FAAH2: variants seen among roughly 807,000 people sequenced by gnomAD.
The protein encoded by FAAH2 is fatty-acid amide hydrolase 2.
Under a neutral mutation model 36.9 loss-of-function variants are expected in FAAH2, and 60 were observed. The observed-to-expected ratio is 1.63, with a 90% CI of 1.32 to 2.02. FAAH2 has a LOEUF of 2.02. FAAH2 is among the 30% of genes most tolerant of loss of function. The pLI, the probability that FAAH2 is intolerant of heterozygous loss-of-function variation, is 0.00. For synonymous variants in FAAH2, 214 were observed against 143.8 expected (o/e 1.49, Z -3.49); for missense variants, 689 against 397.5 (o/e 1.73, Z -6.23).
chrX:57,295,437 G>C (rs1286199059), intron 2 of FAAH2, among the ~76,000 whole-genome samples: 1 of 112,126 alleles, frequency 8.9e-6, no homozygotes, highest in Non-Finnish European at 1.9e-5. Context: ...GGAAAGTTTA[G>C]TTTTCTGAGT....
At chrX:57,170,538 G>A in the FAAH2 span, among the ~76,000 whole-genome samples, 13 of 111,300 alleles carry the variant, frequency 1.2e-4, no homozygotes, top group Non-Finnish European at 2.3e-4. Context: ...CCTGTCACCC[G>A]AGTACTGTAC....
chrX:57,238,637 T>TA, the FAAH2 span, among the ~76,000 whole-genome samples: 3 of 111,835 alleles, frequency 2.7e-5, no homozygotes, highest in East Asian at 2.8e-4. Flanking sequence ...AAATGAAAGT[T>TA]AAAAAAACTT....
intron 10 of FAAH2, among the ~76,000 whole-genome samples, chrX:57,478,326 TG>T (rs1275645267): frequency 4.5e-5 from 5 of 111,601 alleles, no homozygotes; most frequent in African/African-American, 1.6e-4. Context: ...GCCCACTTTT[TG>T]ATGGGGTTGT....
chrX:57,463,226 A>G, intron 10 of FAAH2, among the ~76,000 whole-genome samples: 1 of 111,730 alleles, frequency 9.0e-6, no homozygotes. Flanking sequence ...GAAAATGGCC[A>G]TACCACCCAA....
the FAAH2 span, among the ~76,000 whole-genome samples, chrX:57,157,409 A>G: frequency 8.9e-6 from 1 of 111,864 alleles, no homozygotes; most frequent in African/African-American, 3.2e-5. Flanking sequence ...CTACTGGAGT[A>G]TCAGATTCCC....
chrX:57,480,274 C>T (rs1445965062), intron 10 of FAAH2, among the ~76,000 whole-genome samples: 2 of 111,691 alleles, frequency 1.8e-5, no homozygotes, highest in African/African-American at 3.3e-5. Context: ...GGGCCAGCAT[C>T]ATCTTGATAC....
At chrX:57,481,665 A>T (rs756877336) in intron 10 of FAAH2, among the ~76,000 whole-genome samples, 113 of 111,505 alleles carry the variant, frequency 1.0e-3, no homozygotes, top group Non-Finnish European at 1.9e-3. Context: ...GTCTTGTATG[A>T]AGTGTCCTTC....
the FAAH2 span, among the ~76,000 whole-genome samples, chrX:57,176,068 C>T: frequency 9.0e-6 from 1 of 111,299 alleles, no homozygotes; most frequent in Middle Eastern, 4.2e-3. Flanking sequence ...GTCCTTTTTG[C>T]AATTAATCTC....
chrX:57,468,820 A>C (rs1458110929), intron 10 of FAAH2, among the ~76,000 whole-genome samples: 1 of 111,831 alleles, frequency 8.9e-6, no homozygotes, highest in Admixed American at 9.5e-5. Context: ...GTTGAAATGA[A>C]GGAAAAAATA....
At chrX:57,307,063 C>T (rs2052564926) in intron 2 of FAAH2, among the ~76,000 whole-genome samples, 1 of 82,638 alleles carries the variant, frequency 1.2e-5, no homozygotes, top group Non-Finnish European at 2.4e-5. Context: ...GGGTTATATG[C>T]ATGACAACAG....
the FAAH2 span, among the ~76,000 whole-genome samples, chrX:57,271,731 C>T: frequency 9.0e-6 from 1 of 111,134 alleles, no homozygotes. Context: ...CACTCAAATG[C>T]CCCATCTGAA....
chrX:57,420,386 T>G (rs1391579748), intron 7 of FAAH2, among the ~76,000 whole-genome samples: 1 of 111,793 alleles, frequency 8.9e-6, no homozygotes, highest in Non-Finnish European at 1.9e-5. Flanking sequence ...TGTATCCTCT[T>G]TTATTTCCTT....
At chrX:57,176,273 GTTT>G in the FAAH2 span, among the ~76,000 whole-genome samples, 45 of 101,848 alleles carry the variant, frequency 4.4e-4, no homozygotes, top group Middle Eastern at 5.1e-3. Flanking sequence ...TCATGTAATT[GTTT>G]TTTTTTTTTA....
intron 10 of FAAH2, among the ~76,000 whole-genome samples, chrX:57,469,349 G>A (rs1041964777): frequency 1.8e-5 from 2 of 111,290 alleles, no homozygotes; most frequent in African/African-American, 3.3e-5. Flanking sequence ...GTATTCAGGA[G>A]ACCCATCTCA....
intron 10 of FAAH2, among the ~76,000 whole-genome samples, chrX:57,484,319 A>T (rs1322089282): frequency 1.8e-5 from 2 of 111,127 alleles, no homozygotes; most frequent in Non-Finnish European, 3.8e-5. Flanking sequence ...TGGCTTGCCC[A>T]CAAATACTCC....
At chrX:57,305,084 A>G (rs868172944) in intron 2 of FAAH2, among the ~76,000 whole-genome samples, 130 of 89,634 alleles carry the variant, frequency 1.5e-3, no homozygotes, top group Non-Finnish European at 2.9e-3. Flanking sequence ...GTGTGTGTGT[A>G]TGTGTATAAT....
At chrX:57,243,798 C>T in the FAAH2 span, among the ~76,000 whole-genome samples, 88 of 110,618 alleles carry the variant, frequency 8.0e-4, no homozygotes, top group East Asian at 1.7e-3. Flanking sequence ...GAGAAACAAG[C>T]GAAAAAAGGC....
intron 4 of FAAH2, among the ~76,000 whole-genome samples, chrX:57,339,009 A>T (rs1396020553): frequency 1.8e-5 from 2 of 111,697 alleles, no homozygotes; most frequent in Non-Finnish European, 3.8e-5. Context: ...CCCAACTTCC[A>T]ACTATACTAC....
chrX:57,316,077 T>G (rs1337216349), intron 3 of FAAH2, among the ~76,000 whole-genome samples: 5 of 111,310 alleles, frequency 4.5e-5, no homozygotes, highest in African/African-American at 6.5e-5. Flanking sequence ...ATCAATGTAG[T>G]AAATCGGTAG....
Sources: allele counts gnomAD v4.1 joint callset (sites outside exome capture counted in the v4.1 genomes callset), GRCh38; gene constraint gnomAD v4.1.1; transcripts MANE v1.5; gene names NCBI Gene and HGNC (gene_info 2026-07-23, HGNC 2026-07-21).